MCTP1: variants seen among roughly 807,000 people sequenced by gnomAD.
MCTP1 encodes multiple C2 and transmembrane domain-containing protein 1.
Under a neutral mutation model 120.6 loss-of-function variants are expected in MCTP1, and 69 were observed. The observed-to-expected ratio is 0.57, with a 90% CI of 0.47 to 0.70. The LOEUF (loss-of-function observed/expected upper bound fraction) is 0.70. MCTP1 is among the 30% of genes least tolerant of loss of function. The probability of loss-of-function intolerance (pLI) is 0.00; values close to 1 mark genes in which losing one functional copy is unlikely to be tolerated. For synonymous variants in MCTP1, 529 were observed against 493.1 expected, an observed-to-expected ratio of 1.07 and a Z score of -0.96; for missense variants, 1,203 against 1,248.8, an observed-to-expected ratio of 0.96 and a Z score of 0.55.
intron 3 of MCTP1, among the ~76,000 whole-genome samples, chr5:94,952,821 G>A (rs1820961497): frequency 6.6e-6 from 1 of 151,066 alleles, no homozygotes; most frequent in African/African-American, 2.4e-5. Context: ...TCCAAGTAAA[G>A]CATTTTGCTT....
chr5:95,030,670 A>T lies in MCTP1; in HGVS notation c.721-13186T>A, dbSNP rs568249392. On this transcript the variant is annotated intron_variant, in intron 1 of 22. Transcript: ENST00000515393. ...CCCTCAAGGGAAAAATGATATTTTT[A>T]AAAAAGTCTCATAGAAATGATGGCG... Among the ~76,000 whole-genome samples the T allele has an allele frequency of 5.0e-3, 758 of 152,334 alleles. 2 individuals are homozygous for T. Among genetic ancestry groups the T allele is most frequent in the South Asian group, 0.016 (77 of 4,830 alleles).
At chr5:94,902,352 T>C (rs1262974361) in intron 10 of MCTP1, among the ~76,000 whole-genome samples, 1 of 152,130 alleles carries the variant, frequency 6.6e-6, no homozygotes, top group Non-Finnish European at 1.5e-5. Flanking sequence ...AATCCAAAAT[T>C]ATCAAGAGGA....
chr5:94,913,342 T>C lies in MCTP1; in HGVS notation c.1351-366A>G, dbSNP rs1363077562. Among the ~76,000 whole-genome samples the C allele has an allele frequency of 2.0e-5, 3 of 152,194 alleles. No homozygotes were observed. The East Asian group carries it at 5.8e-4, about 29-fold the overall frequency. On this transcript the variant is annotated intron_variant, in intron 8 of 22. Transcript: ENST00000515393. ...TTAGAAATATCAAAGGCCTCGTTCATACTGTGGTATTTAATTTTTAAACTA... is the reference window on the plus strand; with the variant it reads ...TTAGAAATATCAAAGGCCTCGTTCACACTGTGGTATTTAATTTTTAAACTA...
rs929763013 is a variant in MCTP1 at position 95,009,963 on chromosome 5, G to C, written c.838+7404C>G. ...CGTTACGTAGAAATGAGATTCTGGAGAAGTCCAAACCACATTCTAGTGAAT... is the reference window on the plus strand; with the variant it reads ...CGTTACGTAGAAATGAGATTCTGGACAAGTCCAAACCACATTCTAGTGAAT... On this transcript the variant is annotated intron_variant, in intron 2 of 22. Coordinates refer to ENST00000515393, the MANE Select transcript of MCTP1 (RefSeq NM_024717.7). Among the ~76,000 whole-genome samples, 18 of 152,162 alleles carry C rather than the reference G, an allele frequency of 1.2e-4. 1 individual carries two copies. The highest frequency in any genetic ancestry group is 4.3e-4 in the African/African-American group (18 of 41,438).
At chr5:94,782,069 C>T (rs894685172) in intron 18 of MCTP1, among the ~76,000 whole-genome samples, 1 of 151,956 alleles carries the variant, frequency 6.6e-6, no homozygotes, top group African/African-American at 2.4e-5. Flanking sequence ...GCTGAAGGTG[C>T]CTTAGAAAAT....
intron 1 of MCTP1, among the ~76,000 whole-genome samples, chr5:95,236,336 C>T (rs1411146228): frequency 6.6e-6 from 1 of 152,200 alleles, no homozygotes; most frequent in African/African-American, 2.4e-5. Flanking sequence ...TATATATGCA[C>T]AAGTTCAATA....
intron 5 of MCTP1, among the ~76,000 whole-genome samples, chr5:94,932,480 G>A (rs1196685299): frequency 6.6e-6 from 1 of 151,990 alleles, no homozygotes; most frequent in Non-Finnish European, 1.5e-5. Context: ...AACAAATGCT[G>A]CATACTGTGA....
chr5:94,872,303 G>A (rs1385336691), intron 13 of MCTP1, among the ~76,000 whole-genome samples: 2 of 151,962 alleles, frequency 1.3e-5, no homozygotes, highest in African/African-American at 2.4e-5. Flanking sequence ...AACACTCTCC[G>A]CAATCTTCTT....
In MCTP1 at chr5:95,285,042, G is replaced by T. The variant is rs2152750661; in HGVS notation, c.-467C>A. Among the ~76,000 whole-genome samples, 2 of 152,308 alleles carry T rather than the reference G, an allele frequency of 1.3e-5. No homozygotes were observed. Among genetic ancestry groups the T allele is most frequent in the East Asian group, 3.9e-4 (2 of 5,154 alleles). Reference sequence around the variant, plus strand: ...CTGGGCAGCACCTGTCAGCGGCGGGGGCGGCTGCCTCCAAATTGGGCGCGC... The same window carrying T: ...CTGGGCAGCACCTGTCAGCGGCGGGTGCGGCTGCCTCCAAATTGGGCGCGC... On this transcript the variant is annotated 5_prime_UTR_variant, in exon 1 of 23. Coordinates refer to ENST00000515393, the MANE Select transcript of MCTP1 (RefSeq NM_024717.7).
chr5:95,014,260 A>AAACAAC lies in MCTP1; in HGVS notation c.838+3101_838+3106dup, dbSNP rs35342905. On this transcript the variant is annotated intron_variant, in intron 2 of 22. Coordinates refer to ENST00000515393, the MANE Select transcript of MCTP1 (RefSeq NM_024717.7). ...GCAACAGAGTAATACCATGTCTCTA[A>AAACAAC]AACAACAACAACAACAAAAAATCCA... is the stretch of plus-strand genomic sequence containing the variant. Among the ~76,000 whole-genome samples the AAACAAC allele has an allele frequency of 1.4e-3, 210 of 151,250 alleles. 1 individual carries two copies. Among genetic ancestry groups the AAACAAC allele is most frequent in the African/African-American group, 4.1e-3 (168 of 41,200 alleles).
At chr5:94,920,699 G>A (rs1811400909) in intron 7 of MCTP1, among the ~76,000 whole-genome samples, 2 of 151,318 alleles carry the variant, frequency 1.3e-5, no homozygotes, top group South Asian at 2.1e-4. Context: ...CCAAGACCGC[G>A]CCACTGCACT....
chr5:95,241,642 T>C (rs960643529), intron 1 of MCTP1, among the ~76,000 whole-genome samples: 4 of 152,204 alleles, frequency 2.6e-5, no homozygotes, highest in African/African-American at 4.8e-5. Context: ...CTCAAAGTTC[T>C]CCCTCAGAAC....
intron 18 of MCTP1, among the ~76,000 whole-genome samples, chr5:94,790,361 G>A (rs1474603375): frequency 6.6e-6 from 1 of 152,238 alleles, no homozygotes; most frequent in East Asian, 1.9e-4. Context: ...AAGAGAAAAA[G>A]AGGACCCACC....
At chr5:95,089,245 T>G (rs1755671228) in intron 1 of MCTP1, among the ~76,000 whole-genome samples, 1 of 152,200 alleles carries the variant, frequency 6.6e-6, no homozygotes, top group African/African-American at 2.4e-5. Flanking sequence ...GAAAGGAGAC[T>G]TTTTTATTTC....
intron 10 of MCTP1, among the ~76,000 whole-genome samples, chr5:94,901,493 T>C (rs1257549409): frequency 6.6e-6 from 1 of 151,968 alleles, no homozygotes; most frequent in Non-Finnish European, 1.5e-5. Context: ...TCTCTCTCAC[T>C]CCCACTGTCT....
Position 94,807,297 on chromosome 5 carries a change from A to G in MCTP1, c.2437-8165T>C, listed in dbSNP as rs185112530. On this transcript the variant is annotated intron_variant, in intron 17 of 22. Transcript: ENST00000515393. ...GGAACTAGGCAATGATTGGGGGGAA[A>G]ATTCAAGGTGTTTATCAATATATAA... Among the ~76,000 whole-genome samples the G allele has an allele frequency of 1.9e-3, 285 of 152,300 alleles. 3 individuals are homozygous for G. Among genetic ancestry groups the G allele is most frequent in the African/African-American group, 6.5e-3 (271 of 41,558 alleles).
At chr5:95,091,248 C>T (rs1755822030) in intron 1 of MCTP1, among the ~76,000 whole-genome samples, 1 of 152,220 alleles carries the variant, frequency 6.6e-6, no homozygotes, top group East Asian at 1.9e-4. Context: ...CTTCAATGCC[C>T]TGTCCACCTC....
At chr5:95,162,171 G>A (rs1745815628) in intron 1 of MCTP1, among the ~76,000 whole-genome samples, 1 of 152,086 alleles carries the variant, frequency 6.6e-6, no homozygotes, top group Admixed American at 6.6e-5. Context: ...TATTTTAGAT[G>A]GAGACAAACC....
intron 19 of MCTP1, among the ~76,000 whole-genome samples, chr5:94,734,834 A>T (rs1436331851): frequency 6.6e-6 from 1 of 151,956 alleles, no homozygotes; most frequent in Non-Finnish European, 1.5e-5. Context: ...TTATTTAACC[A>T]TGTTTCTTAG....
Sources: gnomAD v4.1 joint callset for allele counts (sites outside exome capture counted in the v4.1 genomes callset) on GRCh38, gnomAD v4.1.1 for gene constraint, MANE v1.5 for transcripts, NCBI Gene and HGNC (gene_info 2026-07-23, HGNC 2026-07-21) for gene names.